Variants in AFF3 observed in about 807,000 individuals in gnomAD.
AFF3 encodes ALF transcription elongation factor 3, also known as AF4/FMR2 family member 3.
Under a neutral mutation model 129.7 loss-of-function variants are expected in AFF3, and 32 were observed. The ratio of observed to expected loss-of-function variants is 0.25; its 90% CI spans 0.19 to 0.33. The LOEUF (loss-of-function observed/expected upper bound fraction) is 0.33, where lower values mean the gene tolerates loss of function less well. AFF3 is among the 10% of genes least tolerant of loss of function. The pLI, the probability that AFF3 is intolerant of heterozygous loss-of-function variation, is 1.00. For missense variants in AFF3, 1,373 were observed against 1,592.0 expected, an observed-to-expected ratio of 0.86 and a Z score of 2.34; for synonymous variants, 644 against 635.4, an observed-to-expected ratio of 1.01 and a Z score of -0.20.
chr2:99,930,673 G>C (rs1696605726), intron 7 of AFF3, among the ~76,000 whole-genome samples: 1 of 152,306 alleles, frequency 6.6e-6, no homozygotes, highest in Non-Finnish European at 1.5e-5. Flanking sequence ...CTTTGATGAA[G>C]ATTGGTACCT....
chr2:100,091,120 T>G (rs938938511), intron 4 of AFF3, among the ~76,000 whole-genome samples: 6 of 152,002 alleles, frequency 3.9e-5, no homozygotes, highest in African/African-American at 1.4e-4. Flanking sequence ...TGCATTAAAT[T>G]CCCAGCTCTG....
intron 4 of AFF3, among the ~76,000 whole-genome samples, chr2:100,069,212 C>T (rs1687974688): frequency 6.6e-6 from 1 of 152,082 alleles, no homozygotes; most frequent in Admixed American, 6.5e-5. Context: ...TACTGAGTGG[C>T]TCTGCCACCC....
chr2:99,739,520 T>C (rs1170843564), intron 10 of AFF3, among the ~76,000 whole-genome samples: 1 of 152,156 alleles, frequency 6.6e-6, no homozygotes, highest in Non-Finnish European at 1.5e-5. Context: ...AATGTAGACA[T>C]AAATCATCCA....
At chr2:99,672,503 C>T (rs773701926) in intron 12 of AFF3, 35 bp downstream of exon 12, 1 of 1,599,352 alleles carries the variant, frequency 6.3e-7, no homozygotes, top group East Asian at 2.2e-5. Flanking sequence ...ACCAGTGTCA[C>T]CTCCAAAGGA....
chr2:99,655,827 C>T (rs550527142), intron 12 of AFF3, among the ~76,000 whole-genome samples: 13 of 152,090 alleles, frequency 8.5e-5, no homozygotes, highest in African/African-American at 2.2e-4. Context: ...GGGTAGGAAG[C>T]GACAAAGTTT....
intron 4 of AFF3, among the ~76,000 whole-genome samples, chr2:100,074,295 C>T (rs763531271): frequency 4.6e-5 from 7 of 152,190 alleles, no homozygotes; most frequent in Non-Finnish European, 8.8e-5. Flanking sequence ...GTTCCTCCTC[C>T]ACCTGTCCAA....
intron 7 of AFF3, among the ~76,000 whole-genome samples, chr2:99,947,938 T>C (rs184605840): frequency 9.2e-5 from 14 of 152,184 alleles, no homozygotes; most frequent in African/African-American, 3.1e-4. Flanking sequence ...GAAGAAAACA[T>C]GGACTCAGCA....
intron 17 of AFF3, 91 bp from the exon 18 acceptor site, chr2:99,578,542 G>C (rs1454981071): frequency 6.5e-7 from 1 of 1,540,810 alleles, no homozygotes; most frequent in Non-Finnish European, 8.7e-7. Context: ...AATATCTTTG[G>C]CTCTACAGAA....
chr2:99,847,592 A>C (rs1311899997), intron 7 of AFF3, among the ~76,000 whole-genome samples: 1 of 151,930 alleles, frequency 6.6e-6, no homozygotes, highest in Non-Finnish European at 1.5e-5. Context: ...CAGAGCCTTG[A>C]AAAACAAGGT....
At chr2:99,968,436 T>A (rs2104400385) in intron 7 of AFF3, among the ~76,000 whole-genome samples, 1 of 152,324 alleles carries the variant, frequency 6.6e-6, no homozygotes, top group South Asian at 2.1e-4. Context: ...TCTGTCACAA[T>A]CATGCAAGAT....
intron 8 of AFF3, among the ~76,000 whole-genome samples, chr2:99,832,083 A>G (rs543603543): frequency 1.3e-5 from 2 of 152,384 alleles, no homozygotes; most frequent in East Asian, 3.9e-4. Context: ...CCAAGAAACT[A>G]TGAAACCTTT....
intron 18 of AFF3, among the ~76,000 whole-genome samples, chr2:99,578,120 C>A (rs912557260): frequency 2.0e-5 from 3 of 152,232 alleles, no homozygotes; most frequent in South Asian, 4.1e-4. Context: ...ATTCCGTCTA[C>A]CCAAAAACCC....
At chr2:99,612,630 T>C (rs1681043856) in intron 13 of AFF3, among the ~76,000 whole-genome samples, 1 of 152,232 alleles carries the variant, frequency 6.6e-6, no homozygotes, top group South Asian at 2.1e-4. Context: ...GAGAAATGGA[T>C]TGGAATATCT....
At position 99,703,043 on chromosome 2, in the gene AFF3, A is replaced by G. The variant is rs868686969; in HGVS notation, c.1091+24034T>C. ...TTCATATTAGTTTCCTATTGCTGCT[A>G]TAAGAAATTACACAAATTTGGTAGC... On this transcript the variant is annotated intron_variant, in intron 11 of 24. Coordinates refer to ENST00000672756, the MANE Select transcript of AFF3 (RefSeq NM_001386135.1). Among the ~76,000 whole-genome samples the G allele has an allele frequency of 7.2e-5, 11 of 152,342 alleles. 1 individual carries two copies. The highest frequency in any genetic ancestry group is 3.4e-3 in the Middle Eastern group (1 of 294).
intron 9 of AFF3, among the ~76,000 whole-genome samples, chr2:99,744,950 A>T (rs1241175852): frequency 6.6e-6 from 1 of 152,228 alleles, no homozygotes; most frequent in Non-Finnish European, 1.5e-5. Flanking sequence ...CTTTTTAAGG[A>T]ACTGCCAAAC....
intron 7 of AFF3, among the ~76,000 whole-genome samples, chr2:99,890,591 C>T (rs13031524): frequency 0.34 from 51,127 of 151,938 alleles, 9,616 homozygotes; most frequent in East Asian, 0.57. Context: ...AAGAAGCGGG[C>T]AACCTCTCTG....
At chr2:100,080,083 A>G (rs1688925508) in intron 4 of AFF3, among the ~76,000 whole-genome samples, 1 of 152,230 alleles carries the variant, frequency 6.6e-6, no homozygotes, top group Non-Finnish European at 1.5e-5. Flanking sequence ...ACAGTTTTTT[A>G]AGAGAACTGT....
At chr2:99,785,924 T>G (rs1181978801) in intron 8 of AFF3, among the ~76,000 whole-genome samples, 1 of 152,142 alleles carries the variant, frequency 6.6e-6, no homozygotes, top group Non-Finnish European at 1.5e-5. Flanking sequence ...ATTTTTTGTA[T>G]TTTTAGTACA....
chr2:99,660,137 C>T (rs1470561768), intron 12 of AFF3, among the ~76,000 whole-genome samples: 2 of 152,160 alleles, frequency 1.3e-5, no homozygotes, highest in African/African-American at 2.4e-5. Context: ...CTTATGCTAT[C>T]GCAATATGAT....
Sources: gnomAD v4.1 joint callset for allele counts (sites outside exome capture counted in the v4.1 genomes callset) on GRCh38, gnomAD v4.1.1 for gene constraint, MANE v1.5 for transcripts, NCBI Gene and HGNC (gene_info 2026-07-23, HGNC 2026-07-21) for gene names.